Variants in RIMS1 observed in about 807,000 individuals in gnomAD.
RIMS1 encodes regulating synaptic membrane exocytosis protein 1.
Under a neutral mutation model 214.1 loss-of-function variants are expected in RIMS1, and 83 were observed. That is an observed-to-expected ratio of 0.39 (90% CI 0.32 to 0.47). RIMS1 has a LOEUF of 0.47. Ranked by LOEUF, RIMS1 falls within the 20% of genes least tolerant of loss-of-function variation. RIMS1 has a pLI of 0.99. For synonymous variants in RIMS1, 793 were observed against 786.8 expected, an observed-to-expected ratio of 1.01 and a Z score of -0.13; for missense variants, 2,050 against 2,161.8, an observed-to-expected ratio of 0.95 and a Z score of 1.03.
chr6:72,274,437 T>A lies in RIMS1; in HGVS notation c.3482+5T>A, dbSNP rs1206961577. On this transcript the variant is annotated splice_donor_5th_base_variant and intron_variant, in intron 23 of 33. Transcript: ENST00000521978. ...TGCGTCTCCGGAGAATGACAGGTACTAGTCAACTCCTCCTCACAGACAAGT... is the reference window on the plus strand; with the variant it reads ...TGCGTCTCCGGAGAATGACAGGTACAAGTCAACTCCTCCTCACAGACAAGT... 1 of 1,608,374 alleles carries A rather than the reference T, an allele frequency of 6.2e-7. No homozygotes were observed. Among genetic ancestry groups the A allele is most frequent in the African/African-American group, 1.3e-5 (1 of 74,814 alleles).
At chr6:72,044,214 C>G (rs1411178453) in intron 2 of RIMS1, among the ~76,000 whole-genome samples, 1 of 151,614 alleles carries the variant, frequency 6.6e-6, no homozygotes, top group Admixed American at 6.6e-5. Context: ...ACCTTTACCT[C>G]ACACCGTATA....
chr6:72,152,722 A>ATG (rs1234527680), intron 4 of RIMS1, among the ~76,000 whole-genome samples: 2 of 142,284 alleles, frequency 1.4e-5, no homozygotes, highest in Non-Finnish European at 1.5e-5. Flanking sequence ...ATATGTGAAT[A>ATG]TATATATATG....
intron 4 of RIMS1, among the ~76,000 whole-genome samples, chr6:72,102,795 C>T (rs1002557092): frequency 5.3e-5 from 8 of 152,022 alleles, no homozygotes; most frequent in African/African-American, 1.9e-4. Context: ...CTCTGGCTAG[C>T]ATTAAAGGCA....
rs534240015 is a variant in RIMS1 at position 72,262,406 on chromosome 6, C to A, written c.3116+1639C>A. 5 of 981,748 alleles carry A rather than the reference C, an allele frequency of 5.1e-6. No individual in the cohort carries two copies. The African/African-American group carries it at 8.8e-5, about 17-fold the overall frequency. The allele number at this position is 981,748 out of a possible 1,614,324, so 60.8% of individuals were successfully genotyped here. On this transcript the variant is annotated intron_variant, in intron 19 of 33. Transcript: ENST00000521978. ...AATTTAAAAATAAATGAGTATTCAG[C>A]GAGGCAGATAACATCCTGTGGACAG...
chr6:72,196,349 C>CTCTGTCTG (rs752491713), intron 6 of RIMS1, among the ~76,000 whole-genome samples: 7,195 of 134,056 alleles, frequency 0.054, 230 homozygotes, highest in Non-Finnish European at 0.074. Context: ...TGGCTATTTC[C>CTCTGTCTG]TCTGTCTGTC....
chr6:72,090,100 G>A (rs1310001387), intron 2 of RIMS1, among the ~76,000 whole-genome samples: 1 of 151,824 alleles, frequency 6.6e-6, no homozygotes, highest in South Asian at 2.1e-4. Context: ...CAGCGCACCA[G>A]CATGGCACAC....
In RIMS1 at chr6:71,969,076, T is replaced by C. The variant is rs755457041; in HGVS notation, c.245+13T>C. ...ACCAACCTTCACCGTGAGTATGGCA[T>C]TGGTTTTATTGACTGAAAATGTCGT... On this transcript the variant is annotated intron_variant, in intron 2 of 33. Coordinates refer to ENST00000521978, the MANE Select transcript of RIMS1 (RefSeq NM_014989.7). The C allele has an allele frequency of 6.2e-7, 1 of 1,612,270 alleles. No homozygotes were observed.
At chr6:72,080,190 G>T (rs1393476319) in intron 2 of RIMS1, among the ~76,000 whole-genome samples, 1 of 151,650 alleles carries the variant, frequency 6.6e-6, no homozygotes, top group Admixed American at 6.6e-5. Context: ...CTGGAACCCG[G>T]GAGGCAGAGG....
At chr6:72,149,098 A>T (rs1562430985) in intron 4 of RIMS1, among the ~76,000 whole-genome samples, 2 of 152,154 alleles carry the variant, frequency 1.3e-5, no homozygotes, top group Non-Finnish European at 2.9e-5. Context: ...TGCCTGTGGG[A>T]AAAAGCCTCT....
Position 72,201,178 on chromosome 6 carries a change from A to C in RIMS1, c.1678+18029A>C, listed in dbSNP as rs1446961130. Among the ~76,000 whole-genome samples the C allele has an allele frequency of 2.0e-5, 3 of 152,194 alleles. No individual in the cohort carries two copies. In the East Asian group the frequency reaches 5.8e-4, roughly 29 times the overall value. Reference sequence around the variant, plus strand: ...TAGTCATTTAGTTGCATTTGAAAGAAATTTCTATTCTTGAATCAGGAGAAA... The same window carrying C: ...TAGTCATTTAGTTGCATTTGAAAGACATTTCTATTCTTGAATCAGGAGAAA... On this transcript the variant is annotated intron_variant, in intron 6 of 33. Coordinates refer to ENST00000521978, the MANE Select transcript of RIMS1 (RefSeq NM_014989.7).
chr6:72,144,902 G>A (rs961031913), intron 4 of RIMS1, among the ~76,000 whole-genome samples: 7 of 143,460 alleles, frequency 4.9e-5, no homozygotes, highest in Non-Finnish European at 9.1e-5. Context: ...TTTTTTTTTC[G>A]AGATGGAGTT....
intron 26 of RIMS1, among the ~76,000 whole-genome samples, chr6:72,294,012 A>G (rs143891976): frequency 6.6e-6 from 1 of 151,726 alleles, no homozygotes; most frequent in Non-Finnish European, 1.5e-5. Context: ...AAATGTGACA[A>G]CAAGCATGTA....
intron 26 of RIMS1, among the ~76,000 whole-genome samples, chr6:72,293,292 C>T (rs1257714492): frequency 6.6e-6 from 1 of 151,874 alleles, no homozygotes; most frequent in East Asian, 1.9e-4. Flanking sequence ...CATTGTGAAA[C>T]TCTGACTTTC....
chr6:72,155,312 A>G (rs1465717897), intron 4 of RIMS1, among the ~76,000 whole-genome samples: 2 of 140,042 alleles, frequency 1.4e-5, no homozygotes, highest in African/African-American at 4.9e-5. Context: ...ACAGCACCCA[A>G]GTTACCTCTT....
At chr6:72,103,076 T>C (rs1178080246) in intron 4 of RIMS1, among the ~76,000 whole-genome samples, 1 of 152,136 alleles carries the variant, frequency 6.6e-6, no homozygotes, top group African/African-American at 2.4e-5. Flanking sequence ...AACATAGGTC[T>C]ATATAGAAAG....
At chr6:72,290,006 T>C (rs573698470) in intron 24 of RIMS1, among the ~76,000 whole-genome samples, 1 of 152,324 alleles carries the variant, frequency 6.6e-6, no homozygotes, top group Non-Finnish European at 1.5e-5. Flanking sequence ...TGTCAAAATA[T>C]GGACACATAC....
intron 2 of RIMS1, among the ~76,000 whole-genome samples, chr6:72,044,626 C>T (rs1400410562): frequency 6.6e-6 from 1 of 151,724 alleles, no homozygotes; most frequent in Non-Finnish European, 1.5e-5. Flanking sequence ...TCTTTAGTCA[C>T]CAGAGAAATA....
At chr6:72,228,792 A>G (rs1335472539) in intron 6 of RIMS1, among the ~76,000 whole-genome samples, 2 of 151,910 alleles carry the variant, frequency 1.3e-5, no homozygotes, top group Non-Finnish European at 1.5e-5. Flanking sequence ...AAAGGTTCCA[A>G]AATTTCTCCA....
At chr6:72,151,779 G>T (rs556357441) in intron 4 of RIMS1, among the ~76,000 whole-genome samples, 3 of 152,174 alleles carry the variant, frequency 2.0e-5, no homozygotes, top group Non-Finnish European at 4.4e-5. Flanking sequence ...TAGTTTTTGT[G>T]TTGCTATAAT....
Sources: gnomAD v4.1 joint callset for allele counts (sites outside exome capture counted in the v4.1 genomes callset) on GRCh38, gnomAD v4.1.1 for gene constraint, MANE v1.5 for transcripts, NCBI Gene and HGNC (gene_info 2026-07-23, HGNC 2026-07-21) for gene names.